The following COL18A1 variants were observed in gnomAD, a reference collection of about 807,000 sequenced individuals.
COL18A1 encodes the protein collagen alpha-1(XVIII) chain.
COL18A1 carries 133 observed loss-of-function variants against 168.0 expected under a neutral mutation model. That is an observed-to-expected ratio of 0.79 (90% confidence interval 0.69 to 0.91). The LOEUF (loss-of-function observed/expected upper bound fraction) is 0.91. COL18A1 is among the 40% of genes least tolerant of loss of function. The probability of loss-of-function intolerance (pLI) is 0.00; values close to 1 mark genes in which losing one functional copy is unlikely to be tolerated. For synonymous variants in COL18A1, 949 were observed against 809.0 expected (o/e 1.17, Z -2.94); for missense variants, 2,126 against 1,925.4 (o/e 1.10, Z -1.95).
At chr21:45,407,408 G>C (rs2123491285) in intron 2 of COL18A1, 1 of 152,364 alleles carries the variant, frequency 6.6e-6, no homozygotes, top group South Asian at 2.1e-4. Flanking sequence ...GTCAGGATTG[G>C]TCGCTGTGAT....
rs1200842355 is a variant in COL18A1, at chr21:45,443,138, C to T, written c.107-25104C>T. Among the ~76,000 whole-genome samples the T allele has an allele frequency of 0.03, 2,560 of 86,050 alleles. 128 individuals carry two copies. Among genetic ancestry groups the T allele is most frequent in the African/African-American group, 0.098 (2,369 of 24,062 alleles). 56.5% of individuals were successfully genotyped at this position (86,050 alleles called of 152,430 possible). ...TGGGCGGCGGTGCTGGTGTGGGCGGCGGTGCTGGTGTGGGCGGCGGTGCTG... is the reference window on the plus strand; with the variant it reads ...TGGGCGGCGGTGCTGGTGTGGGCGGTGGTGCTGGTGTGGGCGGCGGTGCTG... On this transcript the variant is annotated intron_variant, in intron 2 of 41. Transcript: ENST00000651438. The surrounding 1 kb of genome is among the most constrained non-coding windows in gnomAD (Gnocchi z 5.2).
chr21:45,491,436 G>A, intron 22 of COL18A1, 122 bp downstream of exon 22: 1 of 593,614 alleles, frequency 1.7e-6, no homozygotes, highest in Non-Finnish European at 3.0e-6. Flanking sequence ...CTGACTGCCA[G>A]TCTACACTCC....
In COL18A1 at chr21:45,499,330, T is replaced by A. The variant is rs574818024; in HGVS notation, c.2683+1669T>A. 1.5e-4 allele frequency among the ~76,000 whole-genome samples: 23 copies of A among 152,328 alleles called. No homozygotes were observed. The South Asian group carries it at 4.6e-3, about 30-fold the overall frequency. The stretch of plus-strand genomic sequence containing the variant: ...GTGCAGAGATGGGGAGAGACAACGC[T>A]GGCAGGAACCGGCGTCCCAGCGACA... On this transcript the variant is annotated intron_variant, in intron 32 of 41. Transcript: ENST00000651438.
Position 45,509,618 on chromosome 21 carries a change from A to T in COL18A1, c.3495+17A>T. 7.3e-7 allele frequency: 1 copy of T among 1,363,938 alleles called. No homozygotes were observed. Among genetic ancestry groups the T allele is most frequent in the Non-Finnish European group, 1.0e-6 (1 of 989,740 alleles). 84.5% of individuals were successfully genotyped at this position (1,363,938 alleles called of 1,614,324 possible). The stretch of plus-strand genomic sequence containing the variant: ...CAGCCGGTGGTGAGTGCCCCCCCAA[A>T]GTGGGCTTGGCTCCATCTAGCCCCT... On this transcript the variant is annotated intron_variant, in intron 39 of 41. Transcript: ENST00000651438.
intron 2 of COL18A1, chr21:45,456,451 C>T (rs1274390368): frequency 5.8e-6 from 9 of 1,544,096 alleles, no homozygotes; most frequent in African/African-American, 5.5e-5. Context: ...GGGTCTCCCA[C>T]GTGGCTAACT....
At chr21:45,466,351 G>A (rs2035210748) in intron 2 of COL18A1, among the ~76,000 whole-genome samples, 1 of 152,174 alleles carries the variant, frequency 6.6e-6, no homozygotes, top group East Asian at 1.9e-4. Flanking sequence ...CACACTTCTG[G>A]CTGGCCTGAT....
chr21:45,437,119 A>T (rs13050852), intron 2 of COL18A1, among the ~76,000 whole-genome samples: 60 of 113,204 alleles, frequency 5.3e-4, no homozygotes, highest in South Asian at 1.4e-3. Flanking sequence ...ACACTCACAC[A>T]CAGACACACA....
In COL18A1 at chr21:45,425,276, G is replaced by A. The variant is rs2145770195; in HGVS notation, c.106+19803G>A. On this transcript the variant is annotated intron_variant, in intron 2 of 41. Transcript: ENST00000651438. This position sits in a 1 kb window ranked among gnomAD's most constrained non-coding sequence, Gnocchi z 4.1. ...CCCGGACACGCCTGTTGGAGCCCCG[G>A]CCGTGTGTGTGTGTGTGCTGTGAGT... 6.6e-6 allele frequency among the ~76,000 whole-genome samples: 1 copy of A among 152,294 alleles called. No homozygotes were observed.
In COL18A1 at chr21:45,477,921, G is replaced by A; in HGVS notation, c.1177G>A (p.Gly393Arg). 6.4e-7 allele frequency: 1 copy of A among 1,565,300 alleles called. No individual in the cohort carries two copies. Residue 393 changes from glycine to arginine, a missense_variant, in exon 8 of 42, where the codon GGG (glycine) becomes AGG (arginine). Coordinates refer to ENST00000651438, the MANE Select transcript of COL18A1 (RefSeq NM_001379500.1). ...TGTCCCCGGACCACAAGGACCCCCA[G>A]GGCCTCCGGGGAGGGACGGCACCCC... ...QTVPGPQGPPGPPGRDGTPGR... is the reference protein window; with the variant it reads ...QTVPGPQGPPRPPGRDGTPGR...
intron 13 of COL18A1, 54 bp downstream of exon 13, chr21:45,480,912 G>A (rs2035869073): frequency 2.6e-6 from 4 of 1,563,638 alleles, no homozygotes; most frequent in Non-Finnish European, 3.5e-6. Flanking sequence ...GGGAGTGAGG[G>A]GTGAACACCC....
At chr21:45,421,536 C>T (rs769425879) in intron 2 of COL18A1, 5 of 534,520 alleles carry the variant, frequency 9.4e-6, no homozygotes, top group Non-Finnish European at 1.9e-5. Flanking sequence ...CCTGGCTTGT[C>T]ATGCTGTTAA....
intron 2 of COL18A1, chr21:45,421,725 C>T (rs984528654): frequency 1.2e-5 from 5 of 420,354 alleles, no homozygotes; most frequent in African/African-American, 1.0e-4. Context: ...GCACAGAGAC[C>T]CTCATTCCTG....
At chr21:45,509,141 A>G (rs966060921) in intron 38 of COL18A1, among the ~76,000 whole-genome samples, 1 of 152,044 alleles carries the variant, frequency 6.6e-6, no homozygotes, top group African/African-American at 2.4e-5. Context: ...GTGGGGCCTG[A>G]GCAGAGGTGA....
intron 38 of COL18A1, 127 bp downstream of exon 38, chr21:45,507,720 A>G: frequency 1.1e-6 from 1 of 893,642 alleles, no homozygotes; most frequent in Non-Finnish European, 1.8e-6. Flanking sequence ...GCTCACCATC[A>G]GCCCCTGCTG....
intron 4 of COL18A1, among the ~76,000 whole-genome samples, chr21:45,474,807 G>C (rs965026875): frequency 0.12 from 8 of 66 alleles, no homozygotes; most frequent in Admixed American, 0.5. Flanking sequence ...ACCGTGGCTG[G>C]ACTGTGGGCA....
intron 2 of COL18A1, among the ~76,000 whole-genome samples, chr21:45,442,014 G>A (rs9975786): frequency 0.18 from 28,162 of 152,234 alleles, 2,639 homozygotes; most frequent in Admixed American, 0.21. Flanking sequence ...GCTTCTCACA[G>A]TCACTGTGTG....
intron 18 of COL18A1, 84 bp downstream of exon 18, chr21:45,488,528 G>C (rs951769243): frequency 1.2e-6 from 2 of 1,602,614 alleles, no homozygotes; most frequent in Admixed American, 1.7e-5. Context: ...ACAGGGCCTT[G>C]CCTCGGGTTT....
chr21:45,440,751 C>T (rs1010751587), intron 2 of COL18A1, among the ~76,000 whole-genome samples: 18 of 152,244 alleles, frequency 1.2e-4, no homozygotes, highest in African/African-American at 3.9e-4. Context: ...ATGTCACACC[C>T]TGGCTGCACG....
intron 24 of COL18A1, 138 bp from the exon 25 acceptor site, chr21:45,493,025 G>A (rs1602545877): frequency 2.2e-6 from 2 of 899,980 alleles, no homozygotes; most frequent in East Asian, 2.6e-5. Flanking sequence ...CCAGAGTGAG[G>A]CTGGGGCCGC....
Sources: allele counts gnomAD v4.1 joint callset (sites outside exome capture counted in the v4.1 genomes callset), GRCh38; gene constraint gnomAD v4.1.1; non-coding constraint Gnocchi (gnomAD v3.1); transcripts MANE v1.5; gene names NCBI Gene and HGNC (gene_info 2026-07-23, HGNC 2026-07-21).